PTPRD: variants seen among roughly 807,000 people sequenced by gnomAD.
PTPRD encodes the protein receptor-type tyrosine-protein phosphatase delta.
In PTPRD, 34 loss-of-function variants were observed where a neutral mutation model predicts 214.5. The ratio of observed to expected loss-of-function variants is 0.16; its 90% CI spans 0.12 to 0.21. The LOEUF is 0.21. PTPRD is among the 10% of genes least tolerant of loss of function. The pLI, the probability that PTPRD is intolerant of heterozygous loss-of-function variation, is 1.00. For missense variants in PTPRD, 2,545 were observed against 2,398.7 expected (o/e 1.06, Z -1.27); for synonymous variants, 1,128 against 845.7 (o/e 1.33, Z -5.79).
intron 39 of PTPRD, among the ~76,000 whole-genome samples, chr9:8,350,758 C>CT (rs748762725): frequency 7.5e-5 from 10 of 132,530 alleles, no homozygotes; most frequent in Non-Finnish European, 1.4e-4. Context: ...ATTCAGCTGT[C>CT]TAACTTTTAT....
intron 3 of PTPRD, among the ~76,000 whole-genome samples, chr9:10,120,879 T>C (rs1200314715): frequency 2.0e-5 from 3 of 151,976 alleles, no homozygotes; most frequent in African/African-American, 7.2e-5. Context: ...CCTTCCATAG[T>C]AATAATTTCA....
At chr9:8,793,349 G>C (rs1343442201) in intron 11 of PTPRD, among the ~76,000 whole-genome samples, 1 of 152,136 alleles carries the variant, frequency 6.6e-6, no homozygotes. Context: ...GTCCAAAATG[G>C]AAGTAAGAAT....
intron 2 of PTPRD, among the ~76,000 whole-genome samples, chr9:10,431,700 G>T (rs1224725233): frequency 3.9e-5 from 6 of 152,050 alleles, no homozygotes; most frequent in Admixed American, 1.3e-4. Context: ...CGTCATCACT[G>T]GCCATCAGAG....
chr9:9,353,460 C>G (rs1264516849), intron 9 of PTPRD, among the ~76,000 whole-genome samples: 6 of 151,888 alleles, frequency 4.0e-5, no homozygotes, highest in Middle Eastern at 3.4e-3. Context: ...GCATATGTCT[C>G]AGAGTAATTA....
At chr9:9,391,013 T>C (rs1255359784) in intron 9 of PTPRD, among the ~76,000 whole-genome samples, 1 of 152,192 alleles carries the variant, frequency 6.6e-6, no homozygotes, top group Non-Finnish European at 1.5e-5. Context: ...TATTGTGAGA[T>C]GCATTATTAA....
At chr9:8,816,575 G>T (rs1260706606) in intron 11 of PTPRD, among the ~76,000 whole-genome samples, 1 of 152,160 alleles carries the variant, frequency 6.6e-6, no homozygotes, top group Non-Finnish European at 1.5e-5. Flanking sequence ...AACCAATCAA[G>T]CTTCTTCACA....
chr9:8,744,221 G>A (rs956848502), intron 11 of PTPRD, among the ~76,000 whole-genome samples: 6 of 152,108 alleles, frequency 3.9e-5, no homozygotes, highest in Non-Finnish European at 7.4e-5. Flanking sequence ...TAGTAAAACC[G>A]CTATGGAAAA....
At chr9:9,839,845 A>G (rs1286208815) in intron 5 of PTPRD, among the ~76,000 whole-genome samples, 1 of 152,128 alleles carries the variant, frequency 6.6e-6, no homozygotes, top group Middle Eastern at 3.4e-3. Context: ...TCTCCCCAAT[A>G]TCCTTCTTTC....
intron 3 of PTPRD, among the ~76,000 whole-genome samples, chr9:10,039,931 A>G (rs1208347965): frequency 6.6e-6 from 1 of 152,074 alleles, no homozygotes; most frequent in African/African-American, 2.4e-5. Flanking sequence ...TAATTATTCT[A>G]ATTTCTAAGG....
intron 11 of PTPRD, among the ~76,000 whole-genome samples, chr9:8,851,405 A>G (rs777923879): frequency 6.6e-6 from 1 of 152,236 alleles, no homozygotes; most frequent in Non-Finnish European, 1.5e-5. Context: ...AAGATAAACA[A>G]CATACCGTGC....
intron 3 of PTPRD, among the ~76,000 whole-genome samples, chr9:10,302,425 G>A (rs199614078): frequency 1.4e-4 from 21 of 152,164 alleles, no homozygotes; most frequent in African/African-American, 2.9e-4. Context: ...AATATTAACC[G>A]TAAATGTAAA....
chr9:9,766,252 G>T (rs16930257), intron 6 of PTPRD, among the ~76,000 whole-genome samples: 2,072 of 152,086 alleles, frequency 0.014, 60 homozygotes, highest in African/African-American at 0.046. Flanking sequence ...TAGCATTCCA[G>T]TTTGAAATAA....
intron 7 of PTPRD, among the ~76,000 whole-genome samples, chr9:9,706,797 T>C (rs1037725605): frequency 4.6e-5 from 7 of 151,882 alleles, no homozygotes; most frequent in African/African-American, 1.7e-4. Flanking sequence ...CGGAAACATA[T>C]ATATAAGATG....
chr9:10,317,098 T>C (rs1246129188), intron 3 of PTPRD, among the ~76,000 whole-genome samples: 5 of 152,126 alleles, frequency 3.3e-5, no homozygotes, highest in African/African-American at 1.2e-4. Flanking sequence ...TTTATTTCCC[T>C]TGTGACACTG....
chr9:10,490,514 G>C (rs530754147), intron 2 of PTPRD, among the ~76,000 whole-genome samples: 1 of 152,146 alleles, frequency 6.6e-6, no homozygotes, highest in South Asian at 2.1e-4. Flanking sequence ...TCTCAAATCA[G>C]TCTGTCATAA....
intron 6 of PTPRD, among the ~76,000 whole-genome samples, chr9:9,741,108 G>A (rs1378143006): frequency 2.0e-5 from 3 of 152,172 alleles, no homozygotes; most frequent in Non-Finnish European, 4.4e-5. Context: ...AAACCAATAT[G>A]AGGAAGTAGT....
chr9:8,420,157 T>A (rs2094253519), intron 35 of PTPRD, among the ~76,000 whole-genome samples: 1 of 152,108 alleles, frequency 6.6e-6, no homozygotes, highest in Admixed American at 6.6e-5. Context: ...TTGGTTAAGT[T>A]TGGATAAAAA....
chr9:9,078,719 G>A (rs1010455201), intron 10 of PTPRD, among the ~76,000 whole-genome samples: 5 of 152,072 alleles, frequency 3.3e-5, no homozygotes, highest in Non-Finnish European at 7.4e-5. Context: ...AAAACTATCA[G>A]CAATATGGTT....
intron 11 of PTPRD, among the ~76,000 whole-genome samples, chr9:8,764,274 G>C (rs2094573791): frequency 6.6e-6 from 1 of 152,084 alleles, no homozygotes; most frequent in South Asian, 2.1e-4. Flanking sequence ...ACAAAGGGTG[G>C]TATGAAAAGG....
Sources: allele counts gnomAD v4.1 joint callset (sites outside exome capture counted in the v4.1 genomes callset), GRCh38; gene constraint gnomAD v4.1.1; transcripts MANE v1.5; gene names NCBI Gene and HGNC (gene_info 2026-07-23, HGNC 2026-07-21).